NISCH: variants seen among roughly 807,000 people sequenced by gnomAD.
The protein encoded by NISCH is nischarin, also known as I-1 receptor candidate protein.
A neutral mutation model predicts 138.4 loss-of-function variants in NISCH; 55 were observed. The observed-to-expected ratio is 0.40, with a 90% CI of 0.32 to 0.50. The LOEUF is 0.50. Among genes scored for constraint, NISCH ranks in the 20% least tolerant of loss-of-function variants. The probability of loss-of-function intolerance (pLI) is 0.71; values close to 1 mark genes in which losing one functional copy is unlikely to be tolerated. For synonymous variants in NISCH, 860 were observed against 861.5 expected (o/e 1.00, Z 0.03); for missense variants, 1,643 against 2,005.5 (o/e 0.82, Z 3.45).
In NISCH at chr3:52,487,906, C is replaced by T. The variant is rs768992046; in HGVS notation, c.2414C>T (p.Ala805Val). The T allele has an allele frequency of 6.8e-6, 11 of 1,611,750 alleles. No homozygotes were observed. The highest frequency in any genetic ancestry group is 6.7e-5 in the East Asian group (3 of 44,882). The stretch of plus-strand genomic sequence containing the variant: ...GCCGCCAACCTGCACGAGTTCCACG[C>T]GGACCTGCGCTCATGCTTTGCACCC... ...SDAANLHEFHADLRSCFAPQH... is the reference protein window; with the variant it reads ...SDAANLHEFHVDLRSCFAPQH... The change falls in exon 16 of 21, where the codon GCG (alanine) becomes GTG (valine). Residue 805 changes from alanine (A) to valine (V), a missense_variant. By Grantham distance (64) the Ala-to-Val change is moderately conservative (BLOSUM62 0). Transcript: ENST00000345716. The surrounding 1 kb of genome is among the most constrained non-coding windows in gnomAD (Gnocchi z 9.1).
chr3:52,473,876 G>T, intron 7 of NISCH, 47 bp downstream of exon 7: 1 of 1,330,412 alleles, frequency 7.5e-7, no homozygotes. Context: ...GTGGATCAGG[G>T]TCCTGGGCTG....
intron 3 of NISCH, among the ~76,000 whole-genome samples, chr3:52,468,963 C>T (rs1314225057): frequency 6.6e-6 from 1 of 151,898 alleles, no homozygotes; most frequent in Non-Finnish European, 1.5e-5. Flanking sequence ...GAAAAAGCAC[C>T]ATGAACAAAG....
rs377489314 is a variant in NISCH at position 52,487,820 on chromosome 3, G to A, written c.2328G>A (p.Pro776=). The A allele has an allele frequency of 2.5e-5, 40 of 1,613,214 alleles. No individual in the cohort carries two copies. The highest frequency in any genetic ancestry group is 2.8e-5 in the Non-Finnish European group (33 of 1,179,938). Residue 776 remains proline, a synonymous_variant, in exon 16 of 21, where the codon CCG becomes CCA. Coordinates refer to ENST00000345716, the MANE Select transcript of NISCH (RefSeq NM_007184.4). This position sits in a 1 kb window ranked among gnomAD's most constrained non-coding sequence, Gnocchi z 9.1. ...GDLTEFGFLM[P]ELCLVLKVRH... The stretch of plus-strand genomic sequence containing the variant: ...TCACCGAGTTTGGCTTCCTCATGCC[G>A]GAGCTGTGTCTGGTGCTCAAGGTAC...
Position 52,484,649 on chromosome 3 carries a change from T to C in NISCH, c.1653+12T>C. The C allele has an allele frequency of 6.2e-7, 1 of 1,613,662 alleles. No homozygotes were observed. Among genetic ancestry groups the C allele is most frequent in the Non-Finnish European group, 8.5e-7 (1 of 1,179,838 alleles). ...TCCCTGCGGGACAGGTAATGCCCTCTTCCCGCTTCTGGGGACCATACATCT... is the reference window on the plus strand; with the variant it reads ...TCCCTGCGGGACAGGTAATGCCCTCCTCCCGCTTCTGGGGACCATACATCT... On this transcript the variant is annotated intron_variant, in intron 14 of 20. Transcript: ENST00000345716.
At chr3:52,467,832 C>T (rs908130263) in intron 3 of NISCH, among the ~76,000 whole-genome samples, 4 of 152,134 alleles carry the variant, frequency 2.6e-5, no homozygotes, top group African/African-American at 9.7e-5. Context: ...GCTGTGTTGC[C>T]CAGGCTCGAC....
In NISCH at chr3:52,492,064, G is replaced by A; in HGVS notation, c.4097G>A (p.Gly1366Asp). The change falls in exon 21 of 21, where the codon GGC becomes GAC. Residue 1366 changes from glycine to aspartate, a missense_variant. Transcript: ENST00000345716. Reference protein sequence around the residue: ...VGMPPPGCCRGPLRPKTLLLT... With the variant: ...VGMPPPGCCRDPLRPKTLLLT... ...ATGCCACCCCCTGGGTGCTGCAGGG[G>A]CCCCCTGCGCCCCAAGACACTCCTG... 1 of 1,612,970 alleles carries A rather than the reference G, an allele frequency of 6.2e-7. No homozygotes were observed. The highest frequency in any genetic ancestry group is 8.5e-7 in the Non-Finnish European group (1 of 1,179,944).
At chr3:52,459,597 C>T (rs1235114243) in intron 3 of NISCH, among the ~76,000 whole-genome samples, 1 of 152,022 alleles carries the variant, frequency 6.6e-6, no homozygotes, top group African/African-American at 2.4e-5. Context: ...CCACACCCAG[C>T]TAATTTTTGT....
Position 52,487,930 on chromosome 3 carries a change from C to A in NISCH, c.2438C>A (p.Pro813His), listed in dbSNP as rs1466149874. Residue 813 changes from proline to histidine, a missense_variant, in exon 16 of 21, where the codon CCC (proline) becomes CAC (histidine). By Grantham distance (77) the Pro-to-His change is moderately conservative. Transcript: ENST00000345716. The surrounding 1 kb of genome is among the most constrained non-coding windows in gnomAD (Gnocchi z 9.1). ...GCGGACCTGCGCTCATGCTTTGCAC[C>A]CCAGCACATGGCCATGCTGTGTAGC... ...FHADLRSCFAPQHMAMLCSPI... is the reference protein window; with the variant it reads ...FHADLRSCFAHQHMAMLCSPI... The A allele has an allele frequency of 6.2e-7, 1 of 1,611,786 alleles. No individual in the cohort carries two copies. The highest frequency in any genetic ancestry group is 8.5e-7 in the Non-Finnish European group (1 of 1,179,968).
intron 16 of NISCH, 109 bp downstream of exon 16, chr3:52,488,714 C>T: frequency 1.0e-6 from 1 of 960,108 alleles, no homozygotes; most frequent in Admixed American, 2.7e-5. Context: ...GAGCTGGGCC[C>T]CCTCCCCCCC....
At position 52,484,642 on chromosome 3, in the gene NISCH, T is replaced by A. The variant is rs1443844242; in HGVS notation, c.1653+5T>A. The A allele has an allele frequency of 2.5e-6, 4 of 1,613,778 alleles. No homozygotes were observed. Among genetic ancestry groups the A allele is most frequent in the Non-Finnish European group, 3.4e-6 (4 of 1,179,968 alleles). The stretch of plus-strand genomic sequence containing the variant: ...GAGTCCATCCCTGCGGGACAGGTAA[T>A]GCCCTCTTCCCGCTTCTGGGGACCA... On this transcript the variant is annotated splice_donor_5th_base_variant and intron_variant, in intron 14 of 20. Transcript: ENST00000345716.
At chr3:52,469,822 G>T (rs1399059130) in intron 3 of NISCH, among the ~76,000 whole-genome samples, 5 of 151,940 alleles carry the variant, frequency 3.3e-5, no homozygotes, top group African/African-American at 1.2e-4. Context: ...GGCTGAGGCA[G>T]GAGAATCTCT....
chr3:52,476,314 A>G (rs1707096322), intron 7 of NISCH, 133 bp from the exon 8 acceptor site: 5 of 930,112 alleles, frequency 5.4e-6, no homozygotes, highest in Non-Finnish European at 6.7e-6. Context: ...AACCAAAGGC[A>G]TGCTTTAATG....
intron 3 of NISCH, among the ~76,000 whole-genome samples, chr3:52,460,577 A>AT (rs1201105011): frequency 6.6e-6 from 1 of 151,830 alleles, no homozygotes; most frequent in Non-Finnish European, 1.5e-5. Context: ...AATTTTAAAA[A>AT]TTTTTTTGTA....
intron 20 of NISCH, 130 bp from the exon 21 acceptor site, chr3:52,491,742 G>T: frequency 7.8e-7 from 1 of 1,279,524 alleles, no homozygotes. Context: ...TGGCCTGTGG[G>T]CCCCACACTT....
At chr3:52,491,605 C>A in intron 20 of NISCH, 92 bp downstream of exon 20, 1 of 1,365,656 alleles carries the variant, frequency 7.3e-7, no homozygotes, top group Non-Finnish European at 9.9e-7. Context: ...CCCTCTCTGC[C>A]TCTATGTCTC....
intron 10 of NISCH, 36 bp from the exon 11 acceptor site, chr3:52,478,413 G>A (rs1352129901): frequency 1.9e-6 from 3 of 1,613,504 alleles, no homozygotes; most frequent in Non-Finnish European, 1.7e-6. Flanking sequence ...AGTGTTAAGA[G>A]AAGGGACCAA....
rs147254290 is a variant in NISCH at position 52,488,459 on chromosome 3, C to T, written c.2967C>T (p.His989=). The part of the protein sequence containing the change: ...RFVTAIFVLP[H]EKFHFLRVYN... ...TCACTGCCATCTTCGTGCTGCCCCA[C>T]GAGAAGTTCCACTTCCTGCGCGTCT... is the stretch of plus-strand genomic sequence containing the variant. The change falls in exon 16 of 21, where the codon CAC becomes CAT. Residue 989 remains histidine (H), a synonymous_variant. Coordinates refer to ENST00000345716, the MANE Select transcript of NISCH (RefSeq NM_007184.4). The T allele has an allele frequency of 1.9e-5, 30 of 1,613,562 alleles. No homozygotes were observed. Among genetic ancestry groups the T allele is most frequent in the East Asian group, 2.2e-5 (1 of 44,896 alleles).
Position 52,478,236 on chromosome 3 carries a change from T to C in NISCH, c.1127T>C (p.Leu376Pro), listed in dbSNP as rs1277293872. The change falls in exon 10 of 21, where the codon CTC (leucine) becomes CCC (proline). Residue 376 changes from leucine (L) to proline (P), a missense_variant. Physicochemically the swap from Leu to Pro is moderately conservative, Grantham distance 98. Transcript: ENST00000345716. ...LLESLSGLHK[L>P]YSLVNLDLRD... ...GAGAGTCTGAGTGGCCTGCACAAGC[T>C]CTACTCACTGGTCAACCTGGATCTC... is the stretch of plus-strand genomic sequence containing the variant. 6.2e-7 allele frequency: 1 copy of C among 1,614,108 alleles called. No individual in the cohort carries two copies. The highest frequency in any genetic ancestry group is 1.1e-5 in the South Asian group (1 of 91,078).
At chr3:52,470,962 G>T in intron 4 of NISCH, 55 bp downstream of exon 4, 1 of 1,579,578 alleles carries the variant, frequency 6.3e-7, no homozygotes, top group Non-Finnish European at 8.7e-7. Context: ...GTTTTATGAG[G>T]CGGCCAGAGG....
Sources: allele counts gnomAD v4.1 joint callset (sites outside exome capture counted in the v4.1 genomes callset), GRCh38; gene constraint gnomAD v4.1.1; non-coding constraint Gnocchi (gnomAD v3.1); transcripts MANE v1.5; gene names NCBI Gene and HGNC (gene_info 2026-07-23, HGNC 2026-07-21).